OR51B5: variants seen among roughly 807,000 people sequenced by gnomAD.
OR51B5 encodes olfactory receptor family 51 subfamily B member 5.
For missense variants in OR51B5, 456 were observed against 374.6 expected (o/e 1.22, Z -1.79); for synonymous variants, 186 against 144.8 (o/e 1.28, Z -2.04).
At chr11:5,455,688 G>A (rs182857851) in intron 1 of OR51B5, 11 of 152,190 alleles carry the variant, frequency 7.2e-5, no homozygotes, top group South Asian at 6.2e-4. Context: ...CAGAAACCAC[G>A]TAGTAGCAAA....
At chr11:5,397,678 T>G (rs1849899102) in intron 1 of OR51B5, among the ~76,000 whole-genome samples, 1 of 151,412 alleles carries the variant, frequency 6.6e-6, no homozygotes, top group African/African-American at 2.4e-5. Flanking sequence ...AAATACCATT[T>G]GACCCAGCCA....
At chr11:5,424,317 C>T (rs1204594291) in intron 1 of OR51B5, among the ~76,000 whole-genome samples, 1 of 151,776 alleles carries the variant, frequency 6.6e-6, no homozygotes, top group Non-Finnish European at 1.5e-5. Context: ...GAAAGTTATT[C>T]GGGGAAAAGA....
chr11:5,375,726 A>G (rs1334269968), intron 1 of OR51B5, among the ~76,000 whole-genome samples: 3 of 152,142 alleles, frequency 2.0e-5, no homozygotes, highest in Non-Finnish European at 2.9e-5. Flanking sequence ...GCCATTACAT[A>G]ATGGTAAAGG....
At chr11:5,445,990 C>T (rs1850754881) in intron 1 of OR51B5, among the ~76,000 whole-genome samples, 1 of 151,914 alleles carries the variant, frequency 6.6e-6, no homozygotes, top group Admixed American at 6.6e-5. Context: ...TCATTCTCAG[C>T]AAACTATCCC....
chr11:5,353,268 A>T (rs1849131799), intron 1 of OR51B5, among the ~76,000 whole-genome samples: 1 of 152,174 alleles, frequency 6.6e-6, no homozygotes, highest in Non-Finnish European at 1.5e-5. Context: ...AATAATATTG[A>T]TAATAATTTG....
chr11:5,454,264 C>A lies in OR51B5; in HGVS notation n.84+51305G>T, dbSNP rs745615443. 2.5e-6 allele frequency: 4 copies of A among 1,614,038 alleles called. No individual in the cohort carries two copies. In the East Asian group the frequency reaches 8.9e-5, roughly 36 times the overall value. On this transcript the variant is annotated intron_variant and non_coding_transcript_variant, in intron 1 of 4. Coordinates refer to the OR51B5 transcript ENST00000415970. ...TTTTATGTGCCAATGATTGGGGTCT[C>A]CACAGTGCACCGCTTTGGGAAGCAT... is the stretch of plus-strand genomic sequence containing the variant.
intron 1 of OR51B5, chr11:5,389,370 C>A: frequency 6.3e-7 from 1 of 1,597,686 alleles, no homozygotes. Context: ...CCAGAAATAT[C>A]CATTTATTTT....
At chr11:5,373,034 G>A (rs1250438015) in intron 1 of OR51B5, among the ~76,000 whole-genome samples, 3 of 152,190 alleles carry the variant, frequency 2.0e-5, no homozygotes, top group Admixed American at 6.5e-5. Context: ...ATACAGTCCA[G>A]TAATTCTCAA....
chr11:5,489,017 T>C, intron 1 of OR51B5: 4 of 1,614,106 alleles, frequency 2.5e-6, no homozygotes, highest in Non-Finnish European at 3.4e-6. Context: ...CTGGCCCAGA[T>C]GTTTTGTGTC....
intron 1 of OR51B5, among the ~76,000 whole-genome samples, chr11:5,366,306 G>A (rs750918545): frequency 2.6e-5 from 4 of 152,038 alleles, no homozygotes; most frequent in Non-Finnish European, 5.9e-5. Context: ...GTTCCTCTGT[G>A]GGTAGCCTGT....
At chr11:5,472,660 A>C (rs1178253264) in intron 1 of OR51B5, among the ~76,000 whole-genome samples, 7 of 152,350 alleles carry the variant, frequency 4.6e-5, no homozygotes, top group Non-Finnish European at 7.3e-5. Context: ...AAAGGAATTG[A>C]GAATGAAGAC....
chr11:5,398,216 G>GA (rs1564799935), intron 1 of OR51B5, among the ~76,000 whole-genome samples: 1 of 151,884 alleles, frequency 6.6e-6, no homozygotes, highest in Non-Finnish European at 1.5e-5. Flanking sequence ...AAATAAGTTA[G>GA]AAAAAAGAAA....
At chr11:5,389,231 CA>C in intron 1 of OR51B5, 1 of 703,292 alleles carries the variant, frequency 1.4e-6, no homozygotes, top group East Asian at 2.5e-5. Context: ...GCGAGGTTAT[CA>C]AAGAAAGTTC....
At chr11:5,353,481 G>A (rs1204794729) in intron 1 of OR51B5, among the ~76,000 whole-genome samples, 1 of 152,040 alleles carries the variant, frequency 6.6e-6, no homozygotes, top group Admixed American at 6.5e-5. Flanking sequence ...TGTGGAGAGT[G>A]GGGAGGAAGG....
At chr11:5,409,630 T>C (rs1168311113) in intron 1 of OR51B5, among the ~76,000 whole-genome samples, 7 of 151,854 alleles carry the variant, frequency 4.6e-5, no homozygotes, top group African/African-American at 9.7e-5. Flanking sequence ...ATTGAAAATA[T>C]AAAGCACAAA....
rs770208801 is a variant in OR51B5, at chr11:5,488,798, C to T, written n.84+16771G>A. 76 of 1,613,932 alleles carry T rather than the reference C, an allele frequency of 4.7e-5. 1 individual carries two copies. The highest frequency in any genetic ancestry group is 1.6e-4 in the Middle Eastern group (1 of 6,080). ...CTGGAGGCTGCCCACTTCTGGATTGCCATCCCTTTCTGTGCCATGTATCTT... is the reference window on the plus strand; with the variant it reads ...CTGGAGGCTGCCCACTTCTGGATTGTCATCCCTTTCTGTGCCATGTATCTT... On this transcript the variant is annotated intron_variant and non_coding_transcript_variant, in intron 1 of 4. Transcript: ENST00000415970.
At chr11:5,496,121 AT>A (rs1851647025) in intron 1 of OR51B5, among the ~76,000 whole-genome samples, 1 of 150,652 alleles carries the variant, frequency 6.6e-6, no homozygotes, top group African/African-American at 2.4e-5. Context: ...TACCAGTAAA[AT>A]CCCCTCATGC....
intron 1 of OR51B5, among the ~76,000 whole-genome samples, chr11:5,360,885 G>C (rs12273734): frequency 2.0e-5 from 3 of 150,630 alleles, no homozygotes. Context: ...GCAAACTATC[G>C]CAAGGACAAA....
chr11:5,468,689 A>T (rs2133799381), intron 1 of OR51B5: 1 of 456,614 alleles, frequency 2.2e-6, no homozygotes. Context: ...GATATGTGAC[A>T]CACATGTGTT....
Sources: allele counts gnomAD v4.1 joint callset (sites outside exome capture counted in the v4.1 genomes callset), GRCh38; gene constraint gnomAD v4.1.1; transcripts MANE v1.5; gene names NCBI Gene and HGNC (gene_info 2026-07-23, HGNC 2026-07-21).